Variants in FBN1 observed in about 807,000 individuals in gnomAD.
The protein encoded by FBN1 is fibrillin-1.
Under a neutral mutation model 365.1 loss-of-function variants are expected in FBN1, and 29 were observed. The ratio of observed to expected loss-of-function variants is 0.08; its 90% CI spans 0.06 to 0.11. The LOEUF is 0.11. Among genes scored for constraint, FBN1 ranks in the 10% least tolerant of loss-of-function variants. FBN1 has a pLI of 1.00. For missense variants in FBN1, 2,476 were observed against 3,703.2 expected, an observed-to-expected ratio of 0.67 and a Z score of 8.60; for synonymous variants, 1,210 against 1,270.5, an observed-to-expected ratio of 0.95 and a Z score of 1.01.
intron 2 of FBN1, among the ~76,000 whole-genome samples, chr15:48,638,789 C>A (rs532200047): frequency 6.6e-6 from 1 of 152,280 alleles, no homozygotes; most frequent in South Asian, 2.1e-4. Context: ...CTTCTTGCAA[C>A]CCTATTCAGA....
intron 2 of FBN1, chr15:48,642,633 T>C (rs966271126): frequency 2.7e-5 from 4 of 150,154 alleles, no homozygotes; most frequent in Admixed American, 6.7e-5. Flanking sequence ...ATACTTTTAA[T>C]TGTATATATT....
At chr15:48,453,290 C>CAAA (rs748356141) in intron 44 of FBN1, among the ~76,000 whole-genome samples, 3 of 32,912 alleles carry the variant, frequency 9.1e-5, no homozygotes, top group African/African-American at 3.2e-4. Context: ...AAAAATAAAA[C>CAAA]AAACAAAAAA....
intron 43 of FBN1, among the ~76,000 whole-genome samples, chr15:48,458,044 TG>T (rs2043254294): frequency 6.6e-6 from 1 of 152,250 alleles, no homozygotes; most frequent in Non-Finnish European, 1.5e-5. Flanking sequence ...GCCCCTTGGC[TG>T]GGTTTGATGA....
chr15:48,446,917 G>T, intron 46 of FBN1, 95 bp from the exon 47 acceptor site: 4 of 807,612 alleles, frequency 5.0e-6, no homozygotes, highest in Admixed American at 3.6e-5. Context: ...GGTTCACCAG[G>T]CCTCATCCAT....
At chr15:48,520,635 G>A (rs754002290) in intron 10 of FBN1, 24 bp downstream of exon 10, 1 of 1,613,346 alleles carries the variant, frequency 6.2e-7, no homozygotes, top group Admixed American at 1.7e-5. Context: ...GGGATATTCT[G>A]CAGATAACTG....
chr15:48,513,666 C>G lies in FBN1; in HGVS notation c.1471G>C (p.Val491Leu). 6.2e-7 allele frequency: 1 copy of G among 1,613,944 alleles called. No homozygotes were observed. The highest frequency in any genetic ancestry group is 8.5e-7 in the Non-Finnish European group (1 of 1,179,892). ...QLDLRGECID[V>L]DECEKNPCAG... Reference sequence around the variant, plus strand: ...CAGGGGTTTTTCTCACATTCATCAACATCTGCAAAGCACAATGTATTTTAG... The same window carrying G: ...CAGGGGTTTTTCTCACATTCATCAAGATCTGCAAAGCACAATGTATTTTAG... Residue 491 changes from valine to leucine, a missense_variant and splice_region_variant, in exon 13 of 66, where the codon GTT becomes CTT. Val to Leu is a conservative substitution (Grantham distance 32). Around this residue, in one of 5 missense-constraint regions of FBN1, gnomAD observed 421 missense variants for 520.1 expected, o/e 0.81. Transcript: ENST00000316623.
intron 50 of FBN1, among the ~76,000 whole-genome samples, chr15:48,440,392 C>A (rs2043103503): frequency 6.6e-6 from 1 of 152,192 alleles, no homozygotes; most frequent in Admixed American, 6.5e-5. Context: ...CTCTGGCCTG[C>A]CACATCGGCA....
intron 43 of FBN1, among the ~76,000 whole-genome samples, chr15:48,458,911 T>C (rs1403775011): frequency 6.6e-6 from 1 of 152,200 alleles, no homozygotes; most frequent in Non-Finnish European, 1.5e-5. Flanking sequence ...ACAATAAGCA[T>C]ATAGCTAAAT....
At chr15:48,435,525 A>G (rs2043058664) in intron 53 of FBN1, among the ~76,000 whole-genome samples, 1 of 152,100 alleles carries the variant, frequency 6.6e-6, no homozygotes, top group African/African-American at 2.4e-5. Flanking sequence ...AAATAAAATC[A>G]AGATTCAAGT....
intron 35 of FBN1, 40 bp downstream of exon 35, chr15:48,472,511 C>G (rs778305036): frequency 1.4e-6 from 2 of 1,465,976 alleles, no homozygotes; most frequent in Non-Finnish European, 1.9e-6. Flanking sequence ...CTAATCTCAT[C>G]AAGCCCAGCA....
chr15:48,468,594 A>G (rs2043342497), intron 36 of FBN1, 60 bp from the exon 37 acceptor site: 2 of 1,594,942 alleles, frequency 1.3e-6, no homozygotes, highest in Admixed American at 3.4e-5. Context: ...AGACATCACC[A>G]TAAAAGAACA....
intron 5 of FBN1, among the ~76,000 whole-genome samples, chr15:48,599,100 C>T (rs1444020847): frequency 6.6e-6 from 1 of 152,134 alleles, no homozygotes; most frequent in East Asian, 1.9e-4. Flanking sequence ...TATAAATTGG[C>T]CAGTCTTGGG....
intron 6 of FBN1, among the ~76,000 whole-genome samples, chr15:48,578,783 A>G (rs2044368461): frequency 7.2e-6 from 1 of 139,564 alleles, no homozygotes; most frequent in Admixed American, 7.8e-5. Flanking sequence ...GCATATTCTC[A>G]CTCATAGGTG....
At chr15:48,533,599 C>A (rs944666483) in intron 8 of FBN1, among the ~76,000 whole-genome samples, 1 of 152,016 alleles carries the variant, frequency 6.6e-6, no homozygotes, top group Non-Finnish European at 1.5e-5. Flanking sequence ...AATTACCATC[C>A]CCCAGAAAAG....
At chr15:48,544,388 T>C (rs2044080071) in intron 6 of FBN1, among the ~76,000 whole-genome samples, 1 of 152,226 alleles carries the variant, frequency 6.6e-6, no homozygotes, top group Non-Finnish European at 1.5e-5. Context: ...TTCTGAGGTA[T>C]GGCTTAATTG....
intron 6 of FBN1, among the ~76,000 whole-genome samples, chr15:48,559,940 T>C (rs1017329161): frequency 5.3e-5 from 8 of 152,196 alleles, no homozygotes; most frequent in Middle Eastern, 3.2e-3. Flanking sequence ...TTCTACTTAG[T>C]ACATGTGGAA....
In FBN1 at chr15:48,490,050, C is replaced by T. The variant is rs142964120; in HGVS notation, c.2883G>A (p.Arg961=). 3 of 1,614,086 alleles carry T rather than the reference C, an allele frequency of 1.9e-6. No homozygotes were observed. The African/African-American group carries it at 4.0e-5, about 22-fold the overall frequency. ...LDIRLETCFL[R]YEDEECTLPI... Reference sequence around the variant, plus strand: ...GCAGGGTGCACTCCTCGTCCTCGTACCTCAGGAAGCAGGTTTCCAGGCGGA... The same window carrying T: ...GCAGGGTGCACTCCTCGTCCTCGTATCTCAGGAAGCAGGTTTCCAGGCGGA... Residue 961 remains arginine, a synonymous_variant, in exon 25 of 66, where the codon AGG becomes AGA. Transcript: ENST00000316623.
chr15:48,614,274 G>T (rs1450068458), intron 2 of FBN1, among the ~76,000 whole-genome samples: 1 of 152,176 alleles, frequency 6.6e-6, no homozygotes, highest in Non-Finnish European at 1.5e-5. Flanking sequence ...CACAAACTAG[G>T]AGCAATTCCA....
chr15:48,411,774 C>T (rs1359989868), intron 65 of FBN1, among the ~76,000 whole-genome samples: 1 of 152,258 alleles, frequency 6.6e-6, no homozygotes, highest in Non-Finnish European at 1.5e-5. Flanking sequence ...GATTCAGATG[C>T]ATGCTAAAGT....
Sources: allele counts gnomAD v4.1 joint callset (sites outside exome capture counted in the v4.1 genomes callset), GRCh38; gene constraint gnomAD v4.1.1; regional missense constraint gnomAD v4.1.1; transcripts MANE v1.5; gene names NCBI Gene and HGNC (gene_info 2026-07-23, HGNC 2026-07-21).